DYNC2I2: variants seen among roughly 807,000 people sequenced by gnomAD.
DYNC2I2 encodes the protein dynein 2 intermediate chain 2, also known as cytoplasmic dynein 2 intermediate chain 2.
A neutral mutation model predicts 52.0 loss-of-function variants in DYNC2I2; 39 were observed. The observed-to-expected ratio is 0.75, with a 90% CI of 0.58 to 0.98. The LOEUF is 0.98. Among genes scored for constraint, DYNC2I2 ranks in the 50% least tolerant of loss-of-function variants. DYNC2I2 has a pLI of 0.00. For synonymous variants in DYNC2I2, 359 were observed against 321.1 expected, an observed-to-expected ratio of 1.12 and a Z score of -1.26; for missense variants, 743 against 728.4, an observed-to-expected ratio of 1.02 and a Z score of -0.23.
chr9:128,654,322 A>C (rs7862967), intron 1 of DYNC2I2, among the ~76,000 whole-genome samples: 2 of 152,028 alleles, frequency 1.3e-5, no homozygotes, highest in African/African-American at 4.8e-5. Context: ...CTGCAGGTTC[A>C]TGCAGCAAGC....
chr9:128,660,194 C>T (rs891319173), upstream of DYNC2I2, among the ~76,000 whole-genome samples: 2 of 151,832 alleles, frequency 1.3e-5, no homozygotes, highest in Admixed American at 6.6e-5. Flanking sequence ...CTGCAACCTC[C>T]GCCTCCCGGG....
At chr9:128,668,824 GAA>G in the DYNC2I2 span, among the ~76,000 whole-genome samples, 1 of 110,826 alleles carries the variant, frequency 9.0e-6, no homozygotes, top group African/African-American at 3.3e-5. Context: ...TAAAAAAAAG[GAA>G]AAAAAAAAAA....
At position 128,634,753 on chromosome 9, in the gene DYNC2I2, C is replaced by T; in HGVS notation, c.1150G>A (p.Ala384Thr). The change falls in exon 7 of 9, where the codon GCA becomes ACA. Residue 384 changes from alanine (A) to threonine (T), a missense_variant. Transcript: ENST00000372715. The part of the protein sequence containing the change: ...MPSSVPLRAP[A>T]QFTFSPHGGP... The stretch of plus-strand genomic sequence containing the variant: ...CCGTGGGGGGAGAAGGTAAACTGTG[C>T]TGGGGCCCGCAGGGGCACGGAGCTG... 1 of 1,603,394 alleles carries T rather than the reference C, an allele frequency of 6.2e-7. No homozygotes were observed. The highest frequency in any genetic ancestry group is 8.5e-7 in the Non-Finnish European group (1 of 1,175,466).
intron 5 of DYNC2I2, 152 bp from the exon 6 acceptor site, chr9:128,635,411 G>C (rs1220413298): frequency 1.0e-6 from 1 of 996,562 alleles, no homozygotes; most frequent in East Asian, 2.6e-5. Context: ...AGGCCTGGAG[G>C]GTTCCCAGGG....
At chr9:128,682,111 C>G in the DYNC2I2 span, among the ~76,000 whole-genome samples, 15 of 151,138 alleles carry the variant, frequency 9.9e-5, no homozygotes, top group African/African-American at 3.6e-4. Context: ...CAGGCTGGCG[C>G]AATCTCCACT....
the DYNC2I2 span, among the ~76,000 whole-genome samples, chr9:128,675,275 T>TC: frequency 5.3e-5 from 8 of 152,106 alleles, no homozygotes; most frequent in African/African-American, 1.9e-4. Context: ...CCTCCTGGGT[T>TC]CCAGCGATTC....
intron 5 of DYNC2I2, 178 bp downstream of exon 5, chr9:128,635,480 A>G: frequency 1.3e-6 from 1 of 790,216 alleles, no homozygotes; most frequent in East Asian, 2.7e-5. Context: ...GGAGGCTGGG[A>G]ATGGCCACAG....
chr9:128,656,636 C>T lies in DYNC2I2; in HGVS notation c.91G>A (p.Gly31Arg), dbSNP rs1860832761. The T allele has an allele frequency of 6.0e-6, 9 of 1,502,088 alleles. No individual in the cohort carries two copies. Among genetic ancestry groups the T allele is most frequent in the Non-Finnish European group, 7.9e-6 (9 of 1,133,502 alleles). The allele number at this position is 1,502,088 out of a possible 1,614,324, so 93.0% of individuals were successfully genotyped here. A position where few individuals can be genotyped will look rare whatever the true frequency, so the allele number is the denominator to read the frequency against. The change falls in exon 1 of 9, where the codon GGG (glycine) becomes AGG (arginine). Residue 31 changes from glycine (G) to arginine (R), a missense_variant. By Grantham distance (125) the Gly-to-Arg change is moderately radical. Coordinates refer to ENST00000372715, the MANE Select transcript of DYNC2I2 (RefSeq NM_052844.4). The part of the protein sequence containing the change: ...LATVGVASGP[G>R]PGRPGPLQDE... ...TGCAGCGGCCCTGGCCGCCCCGGCC[C>T]CGGGCCGCTCGCAACCCCGACTGTC...
At chr9:128,654,989 G>A (rs946118463) in intron 1 of DYNC2I2, among the ~76,000 whole-genome samples, 1 of 152,026 alleles carries the variant, frequency 6.6e-6, no homozygotes, top group Non-Finnish European at 1.5e-5. Context: ...TAAGCTCGAG[G>A]AGGGAGAGAT....
chr9:128,679,845 T>G, the DYNC2I2 span, among the ~76,000 whole-genome samples: 1 of 151,934 alleles, frequency 6.6e-6, no homozygotes, highest in Non-Finnish European at 1.5e-5. Flanking sequence ...GGAGACCCTA[T>G]CTCAAAAAAT....
At chr9:128,644,711 C>G (rs1860581058) in intron 1 of DYNC2I2, among the ~76,000 whole-genome samples, 1 of 152,228 alleles carries the variant, frequency 6.6e-6, no homozygotes. Context: ...TTTGCAGATT[C>G]AGCACTTTTC....
In DYNC2I2 at chr9:128,634,492, C is replaced by T. The variant is rs2298046; in HGVS notation, c.1215-109G>A. The T allele has an allele frequency of 2.9e-3, 4,137 of 1,430,914 alleles. 116 individuals are homozygous for T. In the East Asian group the frequency reaches 0.052, roughly 18 times the overall value. 88.6% of individuals were successfully genotyped at this position (1,430,914 alleles called of 1,614,324 possible). ...GCTGCCAGGCTCGTGAAGAGCCTCC[C>T]GGGTCCCTCAGCCTGGAGTTGGTCC... On this transcript the variant is annotated intron_variant, in intron 7 of 8. Transcript: ENST00000372715.
chr9:128,643,137 C>A (rs1860549486), intron 1 of DYNC2I2, among the ~76,000 whole-genome samples: 1 of 152,210 alleles, frequency 6.6e-6, no homozygotes, highest in African/African-American at 2.4e-5. Context: ...GTGATTCCAG[C>A]ACTTTGGGAG....
chr9:128,651,446 C>G (rs1376717952), intron 1 of DYNC2I2: 1 of 55,134 alleles, frequency 1.8e-5, no homozygotes, highest in Non-Finnish European at 7.7e-5. Context: ...GCAGGAGAAT[C>G]GCTTAAACCC....
chr9:128,642,166 A>G lies in DYNC2I2; in HGVS notation c.187-1227T>C, dbSNP rs569351814. On this transcript the variant is annotated intron_variant, in intron 1 of 8. Transcript: ENST00000372715. ...GCTGGGCATAGTGGCGAGCATCTGT[A>G]GTCCCAGCTACTCGGGAGGCTGAGG... Among the ~76,000 whole-genome samples the G allele has an allele frequency of 2.4e-3, 361 of 151,720 alleles. 1 individual carries two copies. Among genetic ancestry groups the G allele is most frequent in the Non-Finnish European group, 4.4e-3 (298 of 67,936 alleles).
intron 5 of DYNC2I2, 26 bp from the exon 6 acceptor site, chr9:128,635,285 G>A: frequency 6.2e-7 from 1 of 1,609,300 alleles, no homozygotes. Flanking sequence ...GCAGGGCCAG[G>A]ATGGAGACAA....
In DYNC2I2 at chr9:128,633,689, G is replaced by T. The variant is rs908324498; in HGVS notation, c.*55C>A. On this transcript the variant is annotated 3_prime_UTR_variant, in exon 9 of 9. Transcript: ENST00000372715. ...CTTTGCTTTTCTTCATTTGGCTTGC[G>T]TCAGAAACACAAGGCTCGGCACAGC... is the stretch of plus-strand genomic sequence containing the variant. The T allele has an allele frequency of 6.4e-7, 1 of 1,552,492 alleles. No homozygotes were observed. The highest frequency in any genetic ancestry group is 1.9e-5 in the Admixed American group (1 of 52,668).
chr9:128,640,646 G>C (rs775360331), intron 2 of DYNC2I2, 45 bp downstream of exon 2: 5 of 1,584,532 alleles, frequency 3.2e-6, no homozygotes, highest in Middle Eastern at 1.7e-4. Context: ...GGAGACAGAA[G>C]TGGGGCAGGG....
intron 5 of DYNC2I2, 161 bp downstream of exon 5, chr9:128,635,497 G>A: frequency 2.5e-6 from 2 of 797,138 alleles, no homozygotes; most frequent in Middle Eastern, 3.7e-4. Flanking sequence ...ACAGGGCCCT[G>A]GGAGTGGCTC....
Sources: allele counts gnomAD v4.1 joint callset (sites outside exome capture counted in the v4.1 genomes callset), GRCh38; gene constraint gnomAD v4.1.1; transcripts MANE v1.5; gene names NCBI Gene and HGNC (gene_info 2026-07-23, HGNC 2026-07-21).